UNC13C: variants seen among roughly 807,000 people sequenced by gnomAD.
UNC13C encodes the protein protein unc-13 homolog C.
In UNC13C, 174 loss-of-function variants were observed where a neutral mutation model predicts 245.4. That is an observed-to-expected ratio of 0.71 (90% CI 0.63 to 0.80). UNC13C has a LOEUF of 0.80. Among genes scored for constraint, UNC13C ranks in the 30% least tolerant of loss-of-function variants. UNC13C has a pLI of 0.00. For synonymous variants in UNC13C, 992 were observed against 895.1 expected (o/e 1.11, Z -1.93); for missense variants, 2,829 against 2,602.9 (o/e 1.09, Z -1.89).
the UNC13C span, among the ~76,000 whole-genome samples, chr15:53,879,084 TA>T: frequency 9.2e-5 from 14 of 152,270 alleles, no homozygotes; most frequent in African/African-American, 2.6e-4. Context: ...AAATAGTACA[TA>T]AAAAAATTAC....
At chr15:54,590,526 G>A (rs1004785022) in intron 30 of UNC13C, among the ~76,000 whole-genome samples, 5 of 152,064 alleles carry the variant, frequency 3.3e-5, no homozygotes, top group African/African-American at 1.2e-4. Flanking sequence ...ATATTCCTAA[G>A]GGTTTGTTTG....
At chr15:54,355,212 G>A (rs1264792721) in intron 17 of UNC13C, among the ~76,000 whole-genome samples, 3 of 152,084 alleles carry the variant, frequency 2.0e-5, no homozygotes, top group East Asian at 1.9e-4. Flanking sequence ...ATTTTGTTAC[G>A]ATCAGCAGAA....
intron 19 of UNC13C, among the ~76,000 whole-genome samples, chr15:54,458,678 GTC>G (rs1404250266): frequency 1.7e-3 from 64 of 38,632 alleles, no homozygotes; most frequent in African/African-American, 5.4e-3. Context: ...TTCCTTTAAG[GTC>G]TTTTTTTTTT....
chr15:54,143,547 C>T (rs537357436), intron 3 of UNC13C, 73 bp from the exon 4 acceptor site: 34 of 1,276,972 alleles, frequency 2.7e-5, no homozygotes, highest in African/African-American at 7.3e-5. Context: ...ACCTGTGTCC[C>T]GATTTCGTGT....
At chr15:54,274,051 G>C (rs2036764185) in intron 10 of UNC13C, among the ~76,000 whole-genome samples, 1 of 152,094 alleles carries the variant, frequency 6.6e-6, no homozygotes, top group Admixed American at 6.6e-5. Flanking sequence ...AAATATGTAA[G>C]ACACATGATT....
chr15:53,967,483 T>C, the UNC13C span, among the ~76,000 whole-genome samples: 2 of 152,198 alleles, frequency 1.3e-5, no homozygotes, highest in Non-Finnish European at 2.9e-5. Context: ...TATTGCTTTC[T>C]TCTATTTCCT....
At chr15:54,605,449 CTT>C (rs1899716970) in intron 30 of UNC13C, among the ~76,000 whole-genome samples, 1 of 152,164 alleles carries the variant, frequency 6.6e-6, no homozygotes, top group Non-Finnish European at 1.5e-5. Context: ...CAAAAATACT[CTT>C]TTGTCTTGCT....
chr15:54,249,533 G>A (rs1208624101), intron 7 of UNC13C, among the ~76,000 whole-genome samples: 2 of 152,134 alleles, frequency 1.3e-5, no homozygotes, highest in Non-Finnish European at 2.9e-5. Context: ...TGCTTATAGA[G>A]GCCCCTTTTA....
the UNC13C span, among the ~76,000 whole-genome samples, chr15:53,844,772 T>A: frequency 3.9e-5 from 6 of 152,068 alleles, no homozygotes; most frequent in African/African-American, 1.4e-4. Flanking sequence ...AACAGTAAAT[T>A]CTTTGGCCAG....
At chr15:54,557,806 A>G (rs1444916023) in intron 29 of UNC13C, among the ~76,000 whole-genome samples, 2 of 152,050 alleles carry the variant, frequency 1.3e-5, no homozygotes, top group Non-Finnish European at 1.5e-5. Flanking sequence ...TACATTTTCA[A>G]ATTTCTCTTA....
At chr15:54,312,374 A>G (rs1459345176) in intron 13 of UNC13C, among the ~76,000 whole-genome samples, 1 of 151,756 alleles carries the variant, frequency 6.6e-6, no homozygotes, top group African/African-American at 2.4e-5. Flanking sequence ...AAAATTTTCC[A>G]CTTTCTGCCA....
At chr15:54,203,906 A>ATATACATATATGTATATGTGTGTGTG (rs2034623268) in intron 4 of UNC13C, among the ~76,000 whole-genome samples, 1 of 120,144 alleles carries the variant, frequency 8.3e-6, no homozygotes, top group South Asian at 2.4e-4. Context: ...ATGTGTGTGT[A>ATATACATATATGTATATGTGTGTGTG]TATACATATA....
intron 8 of UNC13C, among the ~76,000 whole-genome samples, chr15:54,261,834 C>T (rs1323683445): frequency 9.2e-5 from 14 of 152,110 alleles, no homozygotes; most frequent in Admixed American, 2.0e-4. Context: ...TGAGCCACCG[C>T]GCCCGGCCAT....
chr15:54,457,535 G>A (rs985126047), intron 19 of UNC13C, among the ~76,000 whole-genome samples: 1 of 151,876 alleles, frequency 6.6e-6, no homozygotes, highest in African/African-American at 2.4e-5. Context: ...TTTTTTTAAA[G>A]ACTATTTTAG....
intron 2 of UNC13C, among the ~76,000 whole-genome samples, chr15:54,130,840 A>G (rs763298939): frequency 3.0e-4 from 45 of 152,258 alleles, no homozygotes; most frequent in South Asian, 6.2e-4. Context: ...TTTTATTCAA[A>G]TAGTTCTAGA....
At chr15:54,127,461 A>G (rs1368929587) in intron 2 of UNC13C, among the ~76,000 whole-genome samples, 1 of 152,102 alleles carries the variant, frequency 6.6e-6, no homozygotes, top group Non-Finnish European at 1.5e-5. Flanking sequence ...AGGAACAGAA[A>G]ACCAAACACC....
intron 13 of UNC13C, among the ~76,000 whole-genome samples, chr15:54,313,644 A>G (rs1423586512): frequency 3.3e-5 from 5 of 151,962 alleles, no homozygotes; most frequent in East Asian, 1.9e-4. Flanking sequence ...GTATAAAGCT[A>G]TAATACTTAT....
intron 31 of UNC13C, among the ~76,000 whole-genome samples, chr15:54,623,530 G>T (rs1396080146): frequency 6.6e-6 from 1 of 152,172 alleles, no homozygotes; most frequent in Non-Finnish European, 1.5e-5. Flanking sequence ...CCAAGAGGAG[G>T]AGAGTGCTAA....
chr15:54,488,455 T>C (rs1015000864), intron 19 of UNC13C, among the ~76,000 whole-genome samples: 3 of 152,162 alleles, frequency 2.0e-5, no homozygotes, highest in Non-Finnish European at 4.4e-5. Context: ...TAAAGCAGTG[T>C]TTATGCAATA....
Sources: allele counts gnomAD v4.1 joint callset (sites outside exome capture counted in the v4.1 genomes callset), GRCh38; gene constraint gnomAD v4.1.1; transcripts MANE v1.5; gene names NCBI Gene and HGNC (gene_info 2026-07-23, HGNC 2026-07-21).